The following MUC22 variants were observed in gnomAD, a reference collection of about 807,000 sequenced individuals.
The protein encoded by MUC22 is mucin-22.
Under a neutral mutation model 40.3 loss-of-function variants are expected in MUC22, and 24 were observed. That is an observed-to-expected ratio of 0.60 (90% CI 0.43 to 0.84). MUC22 has a LOEUF of 0.84. Among genes scored for constraint, MUC22 ranks in the 40% least tolerant of loss-of-function variants. The pLI is 0.00. For synonymous variants in MUC22, 765 were observed against 844.5 expected (o/e 0.91, Z 1.63); for missense variants, 1,926 against 2,130.7 (o/e 0.90, Z 1.89).
At chr6:31,022,253 G>A (rs1273967113) in intron 1 of MUC22, among the ~76,000 whole-genome samples, 1 of 152,124 alleles carries the variant, frequency 6.6e-6, no homozygotes, top group Non-Finnish European at 1.5e-5. Flanking sequence ...GACACACTGG[G>A]TTCAAGCGAT....
At chr6:31,027,669 C>T in exon 2 of MUC22, 1 of 1,531,002 alleles carries the variant, frequency 6.5e-7, no homozygotes, top group South Asian at 1.2e-5. Context: ...TGGAGACCAC[C>T]ACAGTCTTTA....
At chr6:31,010,807 G>A (rs919018977) in intron 1 of MUC22, 31 bp downstream of exon 1, 3 of 702,404 alleles carry the variant, frequency 4.3e-6, no homozygotes, top group Non-Finnish European at 7.8e-6. Context: ...GGAGGGAGAG[G>A]GGCATGGAGG....
chr6:31,026,982 A>C (rs34632463), exon 2 of MUC22: 190,608 of 1,505,878 alleles, frequency 0.13, 30,613 homozygotes, highest in Admixed American at 0.21. Context: ...AAACCAACAC[A>C]GCATTTACTG....
chr6:31,016,963 G>A (rs1258858947), intron 1 of MUC22, among the ~76,000 whole-genome samples: 1 of 152,218 alleles, frequency 6.6e-6, no homozygotes, highest in African/African-American at 2.4e-5. Flanking sequence ...GCTGCGGAGG[G>A]TGCGCCAGGT....
At chr6:31,035,361 C>G (rs1307437999) in exon 4 of MUC22, 1 of 181,498 alleles carries the variant, frequency 5.5e-6, no homozygotes, top group Non-Finnish European at 1.1e-5. Context: ...CAAGACATGT[C>G]TAAGAAACAA....
At chr6:31,023,442 G>A (rs1037811925) in intron 1 of MUC22, among the ~76,000 whole-genome samples, 8 of 152,096 alleles carry the variant, frequency 5.3e-5, no homozygotes, top group Admixed American at 3.9e-4. Context: ...ATAGTTCGGA[G>A]GCTGAGGCAG....
chr6:31,008,826 C>T (rs769585750), upstream of MUC22, among the ~76,000 whole-genome samples: 2 of 152,092 alleles, frequency 1.3e-5, no homozygotes, highest in African/African-American at 2.4e-5. Flanking sequence ...GGATTACAGG[C>T]GTGAGCCACC....
intron 1 of MUC22, among the ~76,000 whole-genome samples, chr6:31,017,239 A>G (rs1764289043): frequency 6.6e-6 from 1 of 152,244 alleles, no homozygotes. Context: ...TGCGGGATCC[A>G]CTAGGTGAGG....
At chr6:31,026,941 G>C in exon 2 of MUC22, 1 of 1,505,790 alleles carries the variant, frequency 6.6e-7, no homozygotes, top group Non-Finnish European at 8.9e-7. Flanking sequence ...TGCAGGCTCT[G>C]AGACCACTGC....
intron 3 of MUC22, among the ~76,000 whole-genome samples, chr6:31,033,166 A>AAAGG (rs1439758271): frequency 6.6e-6 from 1 of 152,000 alleles, no homozygotes; most frequent in Non-Finnish European, 1.5e-5. Context: ...TCCTGTCTCG[A>AAAGG]AAGGAAGGAA....
intron 1 of MUC22, among the ~76,000 whole-genome samples, chr6:31,022,360 C>A (rs28749546): frequency 0.034 from 5,222 of 151,974 alleles, 125 homozygotes; most frequent in Admixed American, 0.049. Context: ...GATGGGGGTT[C>A]TCAATTTTGG....
exon 4 of MUC22, chr6:31,035,254 C>A: frequency 2.9e-6 from 1 of 346,314 alleles, no homozygotes; most frequent in Non-Finnish European, 5.2e-6. Context: ...TGGGGAGTCA[C>A]GACAACCACC....
exon 2 of MUC22, chr6:31,029,783 C>T (rs1173873727): frequency 6.8e-7 from 1 of 1,475,536 alleles, no homozygotes; most frequent in East Asian, 2.5e-5. Context: ...GCCTCCACTG[C>T]AGGCTCTGAG....
At position 31,032,487 on chromosome 6, in the gene MUC22, C is replaced by T; in HGVS notation, c.4961C>T (p.Pro1654Leu). 1 of 1,535,690 alleles carries T rather than the reference C, an allele frequency of 6.5e-7. No individual in the cohort carries two copies. Among genetic ancestry groups the T allele is most frequent in the South Asian group, 1.2e-5 (1 of 84,068 alleles). ...CACACACCCACAAACGTGATCAAAC[C>T]AAGTGGATATTTACAGCCCTGGGCT... Residue 1654 changes from proline (P) to leucine (L), a missense_variant, in exon 3 of 4, where the codon CCA (proline) becomes CTA (leucine). Pro to Leu is a moderately conservative substitution (Grantham distance 98). This residue lies in a region of MUC22 where 610 missense variants were observed against 714.6 expected (regional missense o/e 0.85). Coordinates refer to ENST00000561890, the Ensembl canonical transcript of MUC22. This position sits in a 1 kb window ranked among gnomAD's most constrained non-coding sequence, Gnocchi z 4.1.
chr6:31,022,314 C>T lies in MUC22; in HGVS notation c.71-3188C>T, dbSNP rs76319386. On this transcript the variant is annotated intron_variant, in intron 1 of 3. Transcript: ENST00000561890. ...CTGGGATTACAGGCATGTAATTAGC[C>T]ACACCATGCCTGGCTAATTTTGTAT... Among the ~76,000 whole-genome samples the T allele has an allele frequency of 2.0e-3, 311 of 152,194 alleles. 1 individual carries two copies. Among genetic ancestry groups the T allele is most frequent in the African/African-American group, 6.9e-3 (285 of 41,530 alleles).
At chr6:31,019,523 A>G (rs1258360452) in intron 1 of MUC22, among the ~76,000 whole-genome samples, 1 of 152,228 alleles carries the variant, frequency 6.6e-6, no homozygotes, top group Non-Finnish European at 1.5e-5. Flanking sequence ...AGGGTTGGAC[A>G]GGAGGGGAGA....
chr6:31,027,618 T>C (rs1044879519), exon 2 of MUC22: 30 of 1,527,218 alleles, frequency 2.0e-5, no homozygotes, highest in Admixed American at 1.6e-4. Flanking sequence ...AAACAGCCTA[T>C]ACTACAGGCT....
At chr6:31,029,165 C>G (rs1448205979) in exon 2 of MUC22, 1 of 1,535,168 alleles carries the variant, frequency 6.5e-7, no homozygotes, top group Non-Finnish European at 8.7e-7. Flanking sequence ...GGCTCTGAGA[C>G]CACCACAGCC....
chr6:31,017,548 G>T (rs1438244271), intron 1 of MUC22, among the ~76,000 whole-genome samples: 1 of 152,170 alleles, frequency 6.6e-6, no homozygotes, highest in Non-Finnish European at 1.5e-5. Flanking sequence ...CTAAGGGATT[G>T]TAAATACACC....
Sources: gnomAD v4.1 joint callset for allele counts (sites outside exome capture counted in the v4.1 genomes callset) on GRCh38, gnomAD v4.1.1 for gene constraint, gnomAD v4.1.1 regional missense constraint, Gnocchi (gnomAD v3.1) non-coding constraint, MANE v1.5 for transcripts, NCBI Gene and HGNC (gene_info 2026-07-23, HGNC 2026-07-21) for gene names.